Variants in SIL1 observed in about 807,000 individuals in gnomAD.
The protein encoded by SIL1 is SIL1 nucleotide exchange factor, also known as nucleotide exchange factor SIL1.
A neutral mutation model predicts 49.1 loss-of-function variants in SIL1; 40 were observed. The ratio of observed to expected loss-of-function variants is 0.81; its 90% CI spans 0.63 to 1.06. The LOEUF (loss-of-function observed/expected upper bound fraction) is 1.06. Among genes scored for constraint, SIL1 ranks in the 50% least tolerant of loss-of-function variants. SIL1 has a pLI of 0.00. For synonymous variants in SIL1, 253 were observed against 250.8 expected (o/e 1.01, Z -0.08); for missense variants, 500 against 572.6 (o/e 0.87, Z 1.29).
chr5:139,034,700 C>A (rs1768864575), intron 5 of SIL1, among the ~76,000 whole-genome samples: 1 of 152,182 alleles, frequency 6.6e-6, no homozygotes, highest in South Asian at 2.1e-4. Context: ...TTTGCTTCAA[C>A]TATCAAACAA....
chr5:139,102,484 CA>C (rs57739735), intron 3 of SIL1, among the ~76,000 whole-genome samples: 457 of 115,690 alleles, frequency 4.0e-3, no homozygotes, highest in Middle Eastern at 8.7e-3. Context: ...TGTCAGCAGG[CA>C]AAAAAAAAAA....
intron 1 of SIL1, among the ~76,000 whole-genome samples, chr5:139,183,243 A>G (rs1752023578): frequency 6.6e-6 from 1 of 152,232 alleles, no homozygotes; most frequent in African/African-American, 2.4e-5. Context: ...CAGAAATTAC[A>G]AAGAAGCCTT....
intron 7 of SIL1, among the ~76,000 whole-genome samples, chr5:138,976,069 C>T (rs915048719): frequency 2.0e-5 from 3 of 152,204 alleles, no homozygotes; most frequent in Admixed American, 2.0e-4. Context: ...GTGTCAGGGC[C>T]AGAGGCCACC....
chr5:138,997,516 GT>G (rs1767897362), intron 7 of SIL1, among the ~76,000 whole-genome samples: 1 of 152,066 alleles, frequency 6.6e-6, no homozygotes, highest in South Asian at 2.1e-4. Context: ...TTGTTGGTTT[GT>G]TTGTTTTGTT....
At chr5:139,161,243 C>CA (rs1282014297) in intron 1 of SIL1, among the ~76,000 whole-genome samples, 17 of 151,652 alleles carry the variant, frequency 1.1e-4, no homozygotes, top group East Asian at 1.9e-4. Context: ...AACTCTGACT[C>CA]AAAAAAAAGA....
At chr5:138,954,190 G>C (rs1459603160) in intron 7 of SIL1, among the ~76,000 whole-genome samples, 1 of 152,266 alleles carries the variant, frequency 6.6e-6, no homozygotes, top group African/African-American at 2.4e-5. Flanking sequence ...GAGTAGGAGA[G>C]AAGAGAGCTC....
intron 3 of SIL1, among the ~76,000 whole-genome samples, chr5:139,081,600 C>T (rs1212581835): frequency 6.6e-6 from 1 of 152,160 alleles, no homozygotes; most frequent in Non-Finnish European, 1.5e-5. Context: ...CACAGAAGAC[C>T]AGGCACGGTG....
intron 3 of SIL1, among the ~76,000 whole-genome samples, chr5:139,107,273 T>C (rs1319285052): frequency 6.6e-6 from 1 of 152,208 alleles, no homozygotes; most frequent in African/African-American, 2.4e-5. Context: ...AGGTGTTACC[T>C]GTTATGCTGG....
chr5:138,997,724 A>C (rs1767901736), intron 7 of SIL1, among the ~76,000 whole-genome samples: 1 of 152,086 alleles, frequency 6.6e-6, no homozygotes, highest in Non-Finnish European at 1.5e-5. Flanking sequence ...ATGCCTGGCT[A>C]ATTTTTGTAT....
intron 1 of SIL1, among the ~76,000 whole-genome samples, chr5:139,163,953 T>C (rs994255502): frequency 2.0e-5 from 3 of 151,916 alleles, no homozygotes; most frequent in Admixed American, 6.6e-5. Flanking sequence ...ACCCCGTCTC[T>C]ACTAAAAATA....
chr5:139,089,280 T>A (rs1348732138), intron 3 of SIL1, among the ~76,000 whole-genome samples: 1 of 152,230 alleles, frequency 6.6e-6, no homozygotes, highest in Non-Finnish European at 1.5e-5. Flanking sequence ...TACTACTCAC[T>A]ACTCAATCAC....
At chr5:139,175,385 C>T (rs1282517613) in intron 1 of SIL1, among the ~76,000 whole-genome samples, 1 of 152,106 alleles carries the variant, frequency 6.6e-6, no homozygotes, top group Non-Finnish European at 1.5e-5. Context: ...GCTTGATAAC[C>T]TAGATATGGA....
chr5:139,080,171 T>C (rs910137849), intron 3 of SIL1, among the ~76,000 whole-genome samples: 1 of 152,244 alleles, frequency 6.6e-6, no homozygotes, highest in African/African-American at 2.4e-5. Flanking sequence ...ATACAGATTT[T>C]ACCACCCATT....
chr5:138,963,869 G>C (rs1037701306), intron 7 of SIL1, among the ~76,000 whole-genome samples: 1 of 152,216 alleles, frequency 6.6e-6, no homozygotes, highest in African/African-American at 2.4e-5. Flanking sequence ...GGGTTTCCTA[G>C]GCCTGGCCAC....
intron 7 of SIL1, among the ~76,000 whole-genome samples, chr5:138,995,107 G>T (rs529862646): frequency 2.4e-4 from 36 of 152,188 alleles, no homozygotes; most frequent in African/African-American, 8.0e-4. Context: ...TGGGCATTTG[G>T]GTTGATTCCA....
intron 1 of SIL1, among the ~76,000 whole-genome samples, chr5:139,130,712 A>G (rs1750847252): frequency 6.6e-6 from 1 of 152,250 alleles, no homozygotes; most frequent in Non-Finnish European, 1.5e-5. Context: ...CGATACCCAA[A>G]AGGTGGAAAC....
intron 3 of SIL1, among the ~76,000 whole-genome samples, chr5:139,054,706 C>T (rs1397871430): frequency 3.3e-5 from 5 of 152,080 alleles, no homozygotes; most frequent in Non-Finnish European, 7.4e-5. Flanking sequence ...GTGCTAAGCT[C>T]GCCAAAGAAG....
At chr5:139,092,157 C>T (rs1770356632) in intron 3 of SIL1, among the ~76,000 whole-genome samples, 1 of 152,176 alleles carries the variant, frequency 6.6e-6, no homozygotes, top group South Asian at 2.1e-4. Context: ...TGATAAAAAG[C>T]ATATGATCAC....
At chr5:138,951,762 G>A in intron 8 of SIL1, 26 bp downstream of exon 8, 1 of 1,603,592 alleles carries the variant, frequency 6.2e-7, no homozygotes, top group Non-Finnish European at 8.5e-7. Flanking sequence ...TGGAGGCTGG[G>A]CAGGAGGAAG....
Sources: gnomAD v4.1 joint callset for allele counts (sites outside exome capture counted in the v4.1 genomes callset) on GRCh38, gnomAD v4.1.1 for gene constraint, MANE v1.5 for transcripts, NCBI Gene and HGNC (gene_info 2026-07-23, HGNC 2026-07-21) for gene names.